LCP1: variants seen among roughly 807,000 people sequenced by gnomAD.
LCP1 encodes the protein plastin-2.
In LCP1, 23 loss-of-function variants were observed where a neutral mutation model predicts 72.0. The ratio of observed to expected loss-of-function variants is 0.32; its 90% CI spans 0.23 to 0.45. The LOEUF is 0.45. LCP1 is among the 20% of genes least tolerant of loss of function. LCP1 has a pLI of 1.00. For missense variants in LCP1, 571 were observed against 748.3 expected, an observed-to-expected ratio of 0.76 and a Z score of 2.76; for synonymous variants, 245 against 275.4, an observed-to-expected ratio of 0.89 and a Z score of 1.09.
intron 1 of LCP1, among the ~76,000 whole-genome samples, chr13:46,177,363 C>T (rs772801283): frequency 6.6e-6 from 1 of 152,156 alleles, no homozygotes; most frequent in African/African-American, 2.4e-5. Flanking sequence ...CTTTAAAGGC[C>T]GGGCGCGGTG....
rs1247049617 is a variant in LCP1 at position 46,152,772 on chromosome 13, G to C, written c.739+8C>G. ...GTGTCATAAATGACCTTTGGGACTT[G>C]CTCTTACCTTCATTTCTGCTGAGTT... On this transcript the variant is annotated splice_region_variant and intron_variant, in intron 7 of 15. Transcript: ENST00000323076. 1.2e-6 allele frequency: 2 copies of C among 1,612,522 alleles called. No homozygotes were observed. Among genetic ancestry groups the C allele is most frequent in the South Asian group, 2.2e-5 (2 of 90,890 alleles).
At position 46,160,110 on chromosome 13, in the gene LCP1, A is replaced by C. The variant is rs560371241; in HGVS notation, c.-24-424T>G. ...TTCCATGACATGAGACATTTAAGCC[A>C]CATAAATAAAGAAGCCAATGAAGGA... On this transcript the variant is annotated intron_variant, in intron 1 of 15. Transcript: ENST00000323076. 2.7e-3 allele frequency among the ~76,000 whole-genome samples: 406 copies of C among 152,322 alleles called. 3 individuals carry two copies. The highest frequency in any genetic ancestry group is 7.2e-4 in the Non-Finnish European group (49 of 68,028).
At chr13:46,133,556 G>A (rs2138219006) in intron 14 of LCP1, among the ~76,000 whole-genome samples, 1 of 152,220 alleles carries the variant, frequency 6.6e-6, no homozygotes, top group East Asian at 1.9e-4. Flanking sequence ...AGCCCAGGAG[G>A]TTGAGGCTGC....
At chr13:46,180,315 T>A (rs1159187545) in intron 1 of LCP1, among the ~76,000 whole-genome samples, 2 of 152,220 alleles carry the variant, frequency 1.3e-5, no homozygotes, top group South Asian at 2.1e-4. Flanking sequence ...TTGAGTGCTA[T>A]TATTAATTTC....
intron 10 of LCP1, 131 bp downstream of exon 10, chr13:46,146,777 G>A: frequency 1.1e-6 from 1 of 870,360 alleles, no homozygotes; most frequent in South Asian, 1.4e-5. Context: ...TCTCTTTGTT[G>A]CATACCAGAG....
At position 46,147,034 on chromosome 13, in the gene LCP1, C is replaced by T. The variant is rs775549965; in HGVS notation, c.1048G>A (p.Val350Ile). 19 of 1,613,556 alleles carry T rather than the reference C, an allele frequency of 1.2e-5. No individual in the cohort carries two copies. In the African/African-American group the frequency reaches 2.5e-4, roughly 22 times the overall value. Reference protein sequence around the residue: ...QAERLGCRQFVTATDVVRGNP... With the variant: ...QAERLGCRQFITATDVVRGNP... Reference sequence around the variant, plus strand: ...CCTCGGACAACATCTGTGGCTGTGACAAACTGCCGGCAGCCCAGCCTCTCC... The same window carrying T: ...CCTCGGACAACATCTGTGGCTGTGATAAACTGCCGGCAGCCCAGCCTCTCC... The change falls in exon 10 of 16, where the codon GTC (valine) becomes ATC (isoleucine). Residue 350 changes from valine to isoleucine, a missense_variant. Coordinates refer to ENST00000323076, the MANE Select transcript of LCP1 (RefSeq NM_002298.5).
chr13:46,171,975 CT>C (rs899618970), intron 1 of LCP1, among the ~76,000 whole-genome samples: 1 of 152,248 alleles, frequency 6.6e-6, no homozygotes, highest in African/African-American at 2.4e-5. Context: ...TACCACAGGG[CT>C]GACTGCAGGA....
rs528798727 is a variant in LCP1, at chr13:46,157,148, G to A, written c.359-578C>T. Among the ~76,000 whole-genome samples the A allele has an allele frequency of 1.3e-4, 20 of 151,254 alleles. No individual in the cohort carries two copies. In the East Asian group the frequency reaches 1.5e-3, roughly 12 times the overall value. On this transcript the variant is annotated intron_variant, in intron 4 of 15. Coordinates refer to ENST00000323076, the MANE Select transcript of LCP1 (RefSeq NM_002298.5). ...ACTATCTCTCTGTTCCTATATATACGCATAATCCAGATATATATTTACATT... is the reference window on the plus strand; with the variant it reads ...ACTATCTCTCTGTTCCTATATATACACATAATCCAGATATATATTTACATT...
intron 13 of LCP1, among the ~76,000 whole-genome samples, chr13:46,141,037 T>C (rs773016761): frequency 6.6e-6 from 1 of 152,076 alleles, no homozygotes; most frequent in Non-Finnish European, 1.5e-5. Flanking sequence ...TTTGAAGAGA[T>C]GAAAGTTAAG....
At chr13:46,160,960 T>C (rs1295243321) in intron 1 of LCP1, among the ~76,000 whole-genome samples, 1 of 152,340 alleles carries the variant, frequency 6.6e-6, no homozygotes, top group East Asian at 1.9e-4. Context: ...TATTTGTTCT[T>C]GATGGCCACC....
At position 46,142,425 on chromosome 13, in the gene LCP1, G is replaced by A. The variant is rs766861869; in HGVS notation, c.1369C>T (p.Leu457Phe). 6.2e-7 allele frequency: 1 copy of A among 1,613,104 alleles called. No homozygotes were observed. The highest frequency in any genetic ancestry group is 1.1e-5 in the South Asian group (1 of 90,968). ...TCTACCGCGTAGTTACAATTCTCAA[G>A]CTGAATGAGCAGAAAGGAAAACGAT... is the stretch of plus-strand genomic sequence containing the variant. ...YPKLGGNMKK[L>F]ENCNYAVELG... The change falls in exon 13 of 16, where the codon CTT becomes TTT. Residue 457 changes from leucine (L) to phenylalanine (F), a missense_variant and splice_region_variant. By Grantham distance (22) the Leu-to-Phe change is conservative. Coordinates refer to ENST00000323076, the MANE Select transcript of LCP1 (RefSeq NM_002298.5).
chr13:46,143,180 C>T, intron 12 of LCP1, 110 bp downstream of exon 12: 1 of 669,486 alleles, frequency 1.5e-6, no homozygotes, highest in Non-Finnish European at 2.6e-6. Context: ...AATTTAATTT[C>T]TGGAAAAACA....
In LCP1 at chr13:46,159,579, G is replaced by T. The variant is rs1436750667; in HGVS notation, c.64+20C>A. The T allele has an allele frequency of 1.9e-6, 3 of 1,601,984 alleles. No individual in the cohort carries two copies. The East Asian group carries it at 6.7e-5, about 36-fold the overall frequency. ...AGTGAAGAAGAGAATGATGCAATTT[G>T]GGGTACCAGGTCTACTCACCAACTT... On this transcript the variant is annotated intron_variant, in intron 2 of 15. Coordinates refer to ENST00000323076, the MANE Select transcript of LCP1 (RefSeq NM_002298.5).
chr13:46,151,725 A>G (rs1307767962), intron 7 of LCP1, among the ~76,000 whole-genome samples: 1 of 152,202 alleles, frequency 6.6e-6, no homozygotes, highest in African/African-American at 2.4e-5. Context: ...TTTAAATAAT[A>G]TTTCAGGATT....
rs956315580 is a variant in LCP1 at position 46,153,114 on chromosome 13, A to G, written c.574-169T>C. The G allele has an allele frequency of 1.1e-5, 7 of 620,464 alleles. No homozygotes were observed. In the African/African-American group the frequency reaches 1.3e-4, roughly 12 times the overall value. The allele number at this position is 620,464 out of a possible 1,614,324, so 38.4% of individuals were successfully genotyped here. A position where few individuals can be genotyped will look rare whatever the true frequency, so the allele number is the denominator to read the frequency against. On this transcript the variant is annotated intron_variant, in intron 6 of 15. Transcript: ENST00000323076. ...AAACAGTGACTCATAACCAGAAGAG[A>G]AAATCCAGTAACCCAGACACCGACC...
At chr13:46,159,826 T>G (rs889581036) in intron 1 of LCP1, 140 bp from the exon 2 acceptor site, 40 of 620,650 alleles carry the variant, frequency 6.4e-5, no homozygotes, top group Non-Finnish European at 1.1e-4. Flanking sequence ...TTCCAAAATG[T>G]AAGTCAGAAA....
chr13:46,154,883 T>G lies in LCP1; in HGVS notation c.495A>C (p.Lys165Asn). ...NAVGDGIVLC[K>N]MINLSVPDTI... ...TGTCTGGCACTGACAGGTTGATCAT[T>G]TTACTGAAAGAGAAACAATTAAATT... Residue 165 changes from lysine to asparagine, a missense_variant, in exon 6 of 16, where the codon AAA becomes AAC. Coordinates refer to ENST00000323076, the MANE Select transcript of LCP1 (RefSeq NM_002298.5). The G allele has an allele frequency of 6.2e-7, 1 of 1,612,982 alleles. No individual in the cohort carries two copies. Among genetic ancestry groups the G allele is most frequent in the Non-Finnish European group, 8.5e-7 (1 of 1,178,960 alleles).
At chr13:46,177,509 G>T (rs1045299968) in intron 1 of LCP1, among the ~76,000 whole-genome samples, 1 of 151,954 alleles carries the variant, frequency 6.6e-6, no homozygotes, top group Non-Finnish European at 1.5e-5. Context: ...GCGTGGTGGT[G>T]GGCGCCTGTA....
chr13:46,128,066 C>T (rs1184496248), intron 15 of LCP1, among the ~76,000 whole-genome samples: 2 of 147,700 alleles, frequency 1.4e-5, no homozygotes, highest in Admixed American at 1.4e-4. Context: ...GGCTTGAACT[C>T]CTGGCCTCAA....
Sources: allele counts gnomAD v4.1 joint callset (sites outside exome capture counted in the v4.1 genomes callset), GRCh38; gene constraint gnomAD v4.1.1; transcripts MANE v1.5; gene names NCBI Gene and HGNC (gene_info 2026-07-23, HGNC 2026-07-21).